Variants in PTPRD observed in about 807,000 individuals in gnomAD.
The protein encoded by PTPRD is protein tyrosine phosphatase receptor type D, also known as receptor-type tyrosine-protein phosphatase delta.
PTPRD carries 34 observed loss-of-function variants against 214.5 expected under a neutral mutation model. The observed-to-expected ratio is 0.16, with a 90% CI of 0.12 to 0.21. The LOEUF (loss-of-function observed/expected upper bound fraction) is 0.21. Among genes scored for constraint, PTPRD ranks in the 10% least tolerant of loss-of-function variants. The pLI, the probability that PTPRD is intolerant of heterozygous loss-of-function variation, is 1.00. For synonymous variants in PTPRD, 1,128 were observed against 845.7 expected, an observed-to-expected ratio of 1.33 and a Z score of -5.79; for missense variants, 2,545 against 2,398.7, an observed-to-expected ratio of 1.06 and a Z score of -1.27.
chr9:10,406,957 T>G (rs1449732803), intron 2 of PTPRD, among the ~76,000 whole-genome samples: 1 of 151,574 alleles, frequency 6.6e-6, no homozygotes, highest in Non-Finnish European at 1.5e-5. Context: ...GTGGTCTCAG[T>G]AGTTACAATA....
At chr9:9,084,369 A>C (rs910789875) in intron 10 of PTPRD, among the ~76,000 whole-genome samples, 3 of 152,140 alleles carry the variant, frequency 2.0e-5, no homozygotes, top group African/African-American at 7.2e-5. Flanking sequence ...ATATGGACAC[A>C]GGGAGGGGAA....
chr9:9,629,772 G>T (rs951043598), intron 7 of PTPRD, among the ~76,000 whole-genome samples: 1 of 152,122 alleles, frequency 6.6e-6, no homozygotes, highest in Non-Finnish European at 1.5e-5. Flanking sequence ...AATTCAAACC[G>T]CTAGAGACAG....
At chr9:8,952,031 A>C (rs928612826) in intron 11 of PTPRD, among the ~76,000 whole-genome samples, 4 of 151,990 alleles carry the variant, frequency 2.6e-5, no homozygotes, top group Admixed American at 2.6e-4. Flanking sequence ...ATATATAAAA[A>C]TATATATGAT....
intron 9 of PTPRD, among the ~76,000 whole-genome samples, chr9:9,184,775 T>C (rs1349660975): frequency 6.6e-6 from 1 of 152,058 alleles, no homozygotes; most frequent in Admixed American, 6.6e-5. Flanking sequence ...AAATAGCATA[T>C]ACTTACCATC....
At chr9:9,001,876 CTATT>C (rs1310807215) in intron 11 of PTPRD, among the ~76,000 whole-genome samples, 1 of 151,730 alleles carries the variant, frequency 6.6e-6, no homozygotes, top group Non-Finnish European at 1.5e-5. Flanking sequence ...TTGATTCTTC[CTATT>C]TCTTTCAGAA....
At chr9:9,840,500 T>G (rs1288743245) in intron 5 of PTPRD, among the ~76,000 whole-genome samples, 1 of 152,146 alleles carries the variant, frequency 6.6e-6, no homozygotes, top group Non-Finnish European at 1.5e-5. Flanking sequence ...TGCCTGAGTT[T>G]ATTCTTACAT....
rs147927399 is a variant in PTPRD, at chr9:10,234,030, T to C, written c.-545+106933A>G. ...CACTTTTGGAGGCCGAGGCGGGTGG[T>C]TCACCTTAGGTCAGGAATTCGAGAC... is the stretch of plus-strand genomic sequence containing the variant. On this transcript the variant is annotated intron_variant, in intron 3 of 45. Coordinates refer to ENST00000381196, the MANE Select transcript of PTPRD (RefSeq NM_002839.4). 7.6e-4 allele frequency among the ~76,000 whole-genome samples: 115 copies of C among 151,126 alleles called. 1 individual carries two copies. Among genetic ancestry groups the C allele is most frequent in the Middle Eastern group, 3.4e-3 (1 of 292 alleles).
intron 3 of PTPRD, among the ~76,000 whole-genome samples, chr9:10,161,374 A>G (rs139864864): frequency 2.0e-5 from 3 of 152,018 alleles, no homozygotes; most frequent in African/African-American, 7.2e-5. Flanking sequence ...CAGAATAGAG[A>G]GAACTCAGAT....
chr9:8,359,356 G>A (rs1010964602), intron 39 of PTPRD, among the ~76,000 whole-genome samples: 6 of 151,700 alleles, frequency 4.0e-5, no homozygotes, highest in South Asian at 2.1e-4. Context: ...ACTGAGCCTC[G>A]CTCTGTTGCC....
At chr9:8,318,662 A>G (rs1824066690) in intron 45 of PTPRD, among the ~76,000 whole-genome samples, 1 of 152,000 alleles carries the variant, frequency 6.6e-6, no homozygotes, top group Non-Finnish European at 1.5e-5. Context: ...CCACATCAAA[A>G]AATACCTGTA....
intron 5 of PTPRD, among the ~76,000 whole-genome samples, chr9:9,910,733 T>C (rs942980391): frequency 6.6e-6 from 1 of 152,040 alleles, no homozygotes; most frequent in South Asian, 2.1e-4. Flanking sequence ...GATACAAAAC[T>C]TGAGTTTCTT....
chr9:8,990,315 G>A (rs1253201087), intron 11 of PTPRD, among the ~76,000 whole-genome samples: 1 of 152,172 alleles, frequency 6.6e-6, no homozygotes, highest in Admixed American at 6.5e-5. Context: ...GTGGAATATG[G>A]TGAGATATAA....
intron 11 of PTPRD, among the ~76,000 whole-genome samples, chr9:8,814,080 A>T (rs1030304043): frequency 8.5e-5 from 13 of 152,234 alleles, no homozygotes; most frequent in African/African-American, 3.1e-4. Context: ...ACAGCACCTG[A>T]CACATAATGA....
At position 9,456,134 on chromosome 9, in the gene PTPRD, C is replaced by A. The variant is rs140957786; in HGVS notation, c.-236-58652G>T. Among the ~76,000 whole-genome samples, 141 of 151,918 alleles carry A rather than the reference C, an allele frequency of 9.3e-4. 3 individuals carry two copies. In the East Asian group the frequency reaches 0.023, roughly 25 times the overall value. ...AATACGTTTATTTCCAAATCCAACA[C>A]ATAGAATATAATGGAAATTTAATTA... is the stretch of plus-strand genomic sequence containing the variant. On this transcript the variant is annotated intron_variant, in intron 8 of 45. Coordinates refer to ENST00000381196, the MANE Select transcript of PTPRD (RefSeq NM_002839.4).
At chr9:8,947,927 T>C (rs982493863) in intron 11 of PTPRD, among the ~76,000 whole-genome samples, 1 of 152,052 alleles carries the variant, frequency 6.6e-6, no homozygotes, top group Non-Finnish European at 1.5e-5. Flanking sequence ...TTGGTATTAC[T>C]AGTATCATTG....
At chr9:8,511,413 T>G (rs1176678549) in intron 21 of PTPRD, among the ~76,000 whole-genome samples, 1 of 151,718 alleles carries the variant, frequency 6.6e-6, no homozygotes, top group Non-Finnish European at 1.5e-5. Flanking sequence ...TCACTACACA[T>G]CACGGTTTCT....
intron 3 of PTPRD, among the ~76,000 whole-genome samples, chr9:10,138,294 T>G (rs2098956856): frequency 6.6e-6 from 1 of 152,016 alleles, no homozygotes; most frequent in Non-Finnish European, 1.5e-5. Flanking sequence ...CCAGAGGACA[T>G]GAATACATTC....
intron 30 of PTPRD, among the ~76,000 whole-genome samples, chr9:8,483,043 ATCT>A (rs565210384): frequency 2.0e-5 from 3 of 152,220 alleles, no homozygotes; most frequent in Non-Finnish European, 4.4e-5. Flanking sequence ...TCAGGAATCC[ATCT>A]TTTTTTATTC....
intron 10 of PTPRD, among the ~76,000 whole-genome samples, chr9:9,080,496 T>A (rs886125361): frequency 2.0e-5 from 3 of 152,096 alleles, no homozygotes; most frequent in African/African-American, 7.2e-5. Context: ...TCCTATCATC[T>A]TATTATCCTC....
Sources: allele counts gnomAD v4.1 joint callset (sites outside exome capture counted in the v4.1 genomes callset), GRCh38; gene constraint gnomAD v4.1.1; transcripts MANE v1.5; gene names NCBI Gene and HGNC (gene_info 2026-07-23, HGNC 2026-07-21).